Variants in CAMTA1 observed in about 807,000 individuals in gnomAD.
CAMTA1 encodes the protein calmodulin binding transcription activator 1, also known as calmodulin-binding transcription activator 1.
In CAMTA1, 27 loss-of-function variants were observed where a neutral mutation model predicts 170.9. The ratio of observed to expected loss-of-function variants is 0.16; its 90% CI spans 0.12 to 0.22. The LOEUF (loss-of-function observed/expected upper bound fraction) is 0.22, where lower values mean the gene tolerates loss of function less well. Ranked by LOEUF, CAMTA1 falls within the 10% of genes least tolerant of loss-of-function variation. The pLI, the probability that CAMTA1 is intolerant of heterozygous loss-of-function variation, is 1.00. For missense variants in CAMTA1, 1,619 were observed against 2,217.2 expected, an observed-to-expected ratio of 0.73 and a Z score of 5.42; for synonymous variants, 833 against 891.5, an observed-to-expected ratio of 0.93 and a Z score of 1.17.
At chr1:7,421,147 CTTTCTTTCTTTTTTT>C (rs1208472178) in intron 5 of CAMTA1, among the ~76,000 whole-genome samples, 1 of 151,534 alleles carries the variant, frequency 6.6e-6, no homozygotes, top group Non-Finnish European at 1.5e-5. Context: ...TTTCTTTTTT[CTTTCTTTCTTTTTTT>C]TTTTTTTGAG....
intron 6 of CAMTA1, among the ~76,000 whole-genome samples, chr1:7,546,780 T>G (rs1218649163): frequency 6.6e-6 from 1 of 152,042 alleles, no homozygotes; most frequent in Non-Finnish European, 1.5e-5. Flanking sequence ...TTTCATATGC[T>G]TGTTGGCTGG....
intron 5 of CAMTA1, among the ~76,000 whole-genome samples, chr1:7,296,252 C>A (rs570814109): frequency 1.3e-5 from 2 of 152,170 alleles, no homozygotes; most frequent in Non-Finnish European, 2.9e-5. Context: ...ACTTTACAGA[C>A]GAAAATGGAG....
chr1:7,403,954 G>A (rs1380927893), intron 5 of CAMTA1, among the ~76,000 whole-genome samples: 1 of 152,192 alleles, frequency 6.6e-6, no homozygotes, highest in African/African-American at 2.4e-5. Context: ...TGACCCCTGC[G>A]GGATCCTACC....
chr1:7,588,276 G>A lies in CAMTA1; in HGVS notation c.511-52124G>A, dbSNP rs967928601. 7.9e-5 allele frequency among the ~76,000 whole-genome samples: 12 copies of A among 151,382 alleles called. No homozygotes were observed. Among genetic ancestry groups the A allele is most frequent in the South Asian group, 4.1e-4 (2 of 4,824 alleles). On this transcript the variant is annotated intron_variant, in intron 6 of 22. Coordinates refer to ENST00000303635, the MANE Select transcript of CAMTA1 (RefSeq NM_015215.4). This position sits in a 1 kb window ranked among gnomAD's most constrained non-coding sequence, Gnocchi z 5.8. Reference sequence around the variant, plus strand: ...AGTTCTCACTGCCTCTGACACCCACGCTGGTGTGGCCCTGCTGGGGACCCC... The same window carrying A: ...AGTTCTCACTGCCTCTGACACCCACACTGGTGTGGCCCTGCTGGGGACCCC...
Position 6,934,923 on chromosome 1 carries a change from CT to C in CAMTA1, c.234+109714del, listed in dbSNP as rs1223708313. 5.8e-4 allele frequency among the ~76,000 whole-genome samples: 89 copies of C among 152,258 alleles called. No individual in the cohort carries two copies. Among genetic ancestry groups the C allele is most frequent in the African/African-American group, 2.1e-3 (89 of 41,522 alleles). ...AACTCCTTAGGCCAGTCGAAAGCACCTAACTCAGACCACAGGCAGCAAGAGC... is the reference window on the plus strand; with the variant it reads ...AACTCCTTAGGCCAGTCGAAAGCACCAACTCAGACCACAGGCAGCAAGAGC... On this transcript the variant is annotated intron_variant, in intron 3 of 22. Coordinates refer to ENST00000303635, the MANE Select transcript of CAMTA1 (RefSeq NM_015215.4). This position sits in a 1 kb window ranked among gnomAD's most constrained non-coding sequence, Gnocchi z 4.5.
intron 5 of CAMTA1, among the ~76,000 whole-genome samples, chr1:7,436,347 G>C (rs1244161082): frequency 1.3e-5 from 2 of 152,184 alleles, no homozygotes; most frequent in Non-Finnish European, 2.9e-5. Flanking sequence ...GTTCAGGGAG[G>C]GGGCCTGGGA....
At chr1:7,753,725 C>A (rs1006297714) in intron 21 of CAMTA1, among the ~76,000 whole-genome samples, 1 of 152,176 alleles carries the variant, frequency 6.6e-6, no homozygotes, top group Non-Finnish European at 1.5e-5. Flanking sequence ...AAACGGCATT[C>A]ACTAAGATAG....
At chr1:7,515,659 A>G (rs955559015) in intron 6 of CAMTA1, among the ~76,000 whole-genome samples, 1 of 152,166 alleles carries the variant, frequency 6.6e-6, no homozygotes, top group African/African-American at 2.4e-5. Context: ...GAGAGGCACC[A>G]GTGAGCAAAT....
chr1:6,936,015 C>T (rs766310774), intron 3 of CAMTA1, among the ~76,000 whole-genome samples: 10 of 152,176 alleles, frequency 6.6e-5, no homozygotes, highest in Non-Finnish European at 1.5e-4. Context: ...TAAGGTTATG[C>T]GCCTGAGCCT....
chr1:7,262,423 G>C (rs576033041), intron 5 of CAMTA1, among the ~76,000 whole-genome samples: 1 of 152,170 alleles, frequency 6.6e-6, no homozygotes, highest in African/African-American at 2.4e-5. Flanking sequence ...TTAGCCGGGC[G>C]TGGTGGCGCA....
At chr1:6,903,484 A>G (rs1677590431) in intron 3 of CAMTA1, among the ~76,000 whole-genome samples, 1 of 152,274 alleles carries the variant, frequency 6.6e-6, no homozygotes. Context: ...CTGTTGGGTC[A>G]TCATTATGTG....
rs1419895097 is a variant in CAMTA1 at position 7,758,793 on chromosome 1, GTT to G, written c.4989+3126_4989+3127del. Among the ~76,000 whole-genome samples the G allele has an allele frequency of 6.2e-3, 936 of 152,128 alleles. 14 individuals are homozygous for G. Among genetic ancestry groups the G allele is most frequent in the East Asian group, 0.041 (210 of 5,162 alleles). On this transcript the variant is annotated intron_variant, in intron 22 of 22. Transcript: ENST00000303635. ...TACTGAAAATACAAAAAATTAGCCG[GTT>G]GCGGTGGCGGGCGCCTGTAGTCCCA... is the stretch of plus-strand genomic sequence containing the variant.
Position 7,175,172 on chromosome 1 carries a change from C to T in CAMTA1, c.303-74319C>T, listed in dbSNP as rs75364338. ...CACACACTTGGATGTTGGCACTTTT[C>T]AGGTGTCCAGGTGTTGCCTCTTGTC... On this transcript the variant is annotated intron_variant, in intron 4 of 22. Transcript: ENST00000303635. Among the ~76,000 whole-genome samples, 679 of 152,240 alleles carry T rather than the reference C, an allele frequency of 4.5e-3. 2 individuals are homozygous for T. The highest frequency in any genetic ancestry group is 8.4e-3 in the Admixed American group (128 of 15,306).
At chr1:7,586,688 G>A (rs1042592076) in intron 6 of CAMTA1, among the ~76,000 whole-genome samples, 1 of 152,100 alleles carries the variant, frequency 6.6e-6, no homozygotes, top group Non-Finnish European at 1.5e-5. Flanking sequence ...CAGCCGACAC[G>A]GTCTCCTCCT....
intron 5 of CAMTA1, among the ~76,000 whole-genome samples, chr1:7,385,902 C>T (rs374484433): frequency 2.0e-5 from 3 of 152,174 alleles, no homozygotes; most frequent in African/African-American, 4.8e-5. Flanking sequence ...TGCTGAGCTT[C>T]GTTCCACATG....
chr1:7,563,070 G>A (rs1281311896), intron 6 of CAMTA1, among the ~76,000 whole-genome samples: 1 of 152,170 alleles, frequency 6.6e-6, no homozygotes, highest in Non-Finnish European at 1.5e-5. Flanking sequence ...TGTGGCCTTT[G>A]GACGCCCACC....
Position 6,936,461 on chromosome 1 carries a change from G to A in CAMTA1, c.234+111251G>A, listed in dbSNP as rs1419223602. On this transcript the variant is annotated intron_variant, in intron 3 of 22. Transcript: ENST00000303635. Reference sequence around the variant, plus strand: ...GGCCAGAGGCAGATGCCTGTGGATGGGGGCAGGAGGGGGATGAGGTTTCTG... The same window carrying A: ...GGCCAGAGGCAGATGCCTGTGGATGAGGGCAGGAGGGGGATGAGGTTTCTG... Among the ~76,000 whole-genome samples, 5 of 152,218 alleles carry A rather than the reference G, an allele frequency of 3.3e-5. No homozygotes were observed. In the South Asian group the frequency reaches 6.2e-4, roughly 19 times the overall value.
intron 5 of CAMTA1, among the ~76,000 whole-genome samples, chr1:7,290,581 C>G (rs1033683473): frequency 6.6e-6 from 1 of 152,176 alleles, no homozygotes; most frequent in Non-Finnish European, 1.5e-5. Flanking sequence ...CCACCCCCCC[C>G]ATGCACGTAT....
intron 4 of CAMTA1, among the ~76,000 whole-genome samples, chr1:7,145,545 TGAGCTG>T (rs1646132745): frequency 1.3e-5 from 2 of 152,172 alleles, no homozygotes; most frequent in African/African-American, 4.8e-5. Context: ...GACTTGGGAA[TGAGCTG>T]GAGCTGGGCC....
Sources: gnomAD v4.1 joint callset for allele counts (sites outside exome capture counted in the v4.1 genomes callset) on GRCh38, gnomAD v4.1.1 for gene constraint, Gnocchi (gnomAD v3.1) non-coding constraint, MANE v1.5 for transcripts, NCBI Gene and HGNC (gene_info 2026-07-23, HGNC 2026-07-21) for gene names.